Variants in CHCHD3 observed in about 807,000 individuals in gnomAD.
CHCHD3 encodes coiled-coil-helix-coiled-coil-helix domain containing 3.
CHCHD3 carries 20 observed loss-of-function variants against 38.2 expected under a neutral mutation model. That is an observed-to-expected ratio of 0.52 (90% CI 0.37 to 0.76). The LOEUF is 0.76. Among genes scored for constraint, CHCHD3 ranks in the 30% least tolerant of loss-of-function variants. CHCHD3 has a pLI of 0.00. For missense variants in CHCHD3, 245 were observed against 279.2 expected (o/e 0.88, Z 0.87); for synonymous variants, 82 against 100.0 (o/e 0.82, Z 1.07).
chr7:132,897,004 C>T (rs1257169593), intron 4 of CHCHD3, among the ~76,000 whole-genome samples: 2 of 152,208 alleles, frequency 1.3e-5, no homozygotes, highest in African/African-American at 4.8e-5. Flanking sequence ...CTACTGAATG[C>T]TACCATCACT....
At chr7:132,905,838 G>A (rs1809791841) in intron 4 of CHCHD3, among the ~76,000 whole-genome samples, 2 of 152,168 alleles carry the variant, frequency 1.3e-5, no homozygotes, top group Non-Finnish European at 2.9e-5. Context: ...GATGAGTACT[G>A]TACTGCAGAG....
chr7:132,847,977 G>T (rs940280237), intron 5 of CHCHD3, among the ~76,000 whole-genome samples: 1 of 152,168 alleles, frequency 6.6e-6, no homozygotes, highest in Non-Finnish European at 1.5e-5. Context: ...TCCCAGAAAA[G>T]AACAAGACGA....
At chr7:132,889,047 C>T (rs1199874943) in intron 4 of CHCHD3, among the ~76,000 whole-genome samples, 1 of 152,022 alleles carries the variant, frequency 6.6e-6, no homozygotes, top group East Asian at 1.9e-4. Context: ...CAGAAAAAAT[C>T]TTTTAAACAT....
chr7:132,953,970 A>G (rs569139681), intron 4 of CHCHD3, among the ~76,000 whole-genome samples: 2 of 152,186 alleles, frequency 1.3e-5, no homozygotes, highest in Non-Finnish European at 2.9e-5. Flanking sequence ...GGAAATATGG[A>G]GAAGATTGTG....
intron 5 of CHCHD3, among the ~76,000 whole-genome samples, chr7:132,860,713 A>G (rs1482903871): frequency 2.0e-5 from 3 of 151,548 alleles, no homozygotes; most frequent in African/African-American, 4.9e-5. Context: ...TGCAACCTCC[A>G]CCTCCTGGGT....
At chr7:133,016,563 G>A (rs893451859) in intron 3 of CHCHD3, among the ~76,000 whole-genome samples, 1 of 152,320 alleles carries the variant, frequency 6.6e-6, no homozygotes, top group Middle Eastern at 3.4e-3. Context: ...AAGAAAAGAA[G>A]GGGGTAAGGT....
intron 5 of CHCHD3, among the ~76,000 whole-genome samples, chr7:132,878,890 C>T (rs1808978740): frequency 6.6e-6 from 1 of 152,056 alleles, no homozygotes; most frequent in Non-Finnish European, 1.5e-5. Flanking sequence ...CAGTTAGAGA[C>T]AGGGTTCAGA....
At chr7:132,893,648 G>A (rs558139488) in intron 4 of CHCHD3, among the ~76,000 whole-genome samples, 8 of 152,296 alleles carry the variant, frequency 5.3e-5, no homozygotes, top group South Asian at 2.1e-4. Flanking sequence ...TAATCTCCAC[G>A]TGTCAAGGGA....
chr7:132,818,114 G>A (rs753624404), intron 6 of CHCHD3, among the ~76,000 whole-genome samples: 65 of 152,232 alleles, frequency 4.3e-4, no homozygotes, highest in Middle Eastern at 6.8e-3. Context: ...CAATTGCACC[G>A]AATAACGCTG....
At chr7:133,081,406 G>A (rs1815167951) in intron 1 of CHCHD3, among the ~76,000 whole-genome samples, 1 of 152,090 alleles carries the variant, frequency 6.6e-6, no homozygotes, top group Admixed American at 6.6e-5. Context: ...TTATCAGAGG[G>A]AGAGCACTAA....
chr7:132,934,203 A>G (rs1810582156), intron 4 of CHCHD3, among the ~76,000 whole-genome samples: 1 of 152,250 alleles, frequency 6.6e-6, no homozygotes, highest in Non-Finnish European at 1.5e-5. Context: ...CAGTAGGTCC[A>G]AGATGGGCTG....
chr7:133,021,637 C>T (rs1048623897), intron 3 of CHCHD3, among the ~76,000 whole-genome samples: 1 of 152,122 alleles, frequency 6.6e-6, no homozygotes, highest in Non-Finnish European at 1.5e-5. Context: ...ATTTCCCTGC[C>T]ATAAAATTCA....
At chr7:133,047,111 C>T (rs1169078639) in intron 2 of CHCHD3, among the ~76,000 whole-genome samples, 2 of 151,962 alleles carry the variant, frequency 1.3e-5, no homozygotes, top group African/African-American at 4.8e-5. Context: ...CAAAAGGGGA[C>T]GAATCAAATG....
At chr7:132,816,741 G>C (rs1263013809) in intron 6 of CHCHD3, among the ~76,000 whole-genome samples, 3 of 152,186 alleles carry the variant, frequency 2.0e-5, no homozygotes, top group Non-Finnish European at 4.4e-5. Context: ...TTCCAGGCAA[G>C]AAGAGGCTAT....
chr7:132,922,930 T>C (rs1053954317), intron 4 of CHCHD3, among the ~76,000 whole-genome samples: 6 of 152,196 alleles, frequency 3.9e-5, no homozygotes, highest in African/African-American at 7.2e-5. Context: ...CCATCCATGA[T>C]TGTGCTGAGC....
At chr7:132,867,004 C>A (rs1808648627) in intron 5 of CHCHD3, among the ~76,000 whole-genome samples, 1 of 152,182 alleles carries the variant, frequency 6.6e-6, no homozygotes, top group Non-Finnish European at 1.5e-5. Flanking sequence ...ATCACGCACA[C>A]CTACCCACCA....
At chr7:132,801,156 ATAAT>A (rs1396420574) in intron 6 of CHCHD3, among the ~76,000 whole-genome samples, 1 of 152,222 alleles carries the variant, frequency 6.6e-6, no homozygotes, top group Non-Finnish European at 1.5e-5. Context: ...CTCATCACTT[ATAAT>A]TAATCTATCG....
chr7:132,969,514 C>T (rs534027699), intron 4 of CHCHD3, among the ~76,000 whole-genome samples: 15 of 152,216 alleles, frequency 9.9e-5, no homozygotes, highest in Non-Finnish European at 2.1e-4. Flanking sequence ...TAGCCCAGGA[C>T]GTTTTTTACA....
chr7:132,883,012 T>C (rs1053551350), intron 5 of CHCHD3, among the ~76,000 whole-genome samples: 2 of 149,472 alleles, frequency 1.3e-5, no homozygotes, highest in African/African-American at 4.9e-5. Context: ...GATCTGATGG[T>C]TTAAAAGTAG....
Sources: allele counts gnomAD v4.1 joint callset (sites outside exome capture counted in the v4.1 genomes callset), GRCh38; gene constraint gnomAD v4.1.1; transcripts MANE v1.5; gene names NCBI Gene and HGNC (gene_info 2026-07-23, HGNC 2026-07-21).